The following SLC47A1 variants were observed in gnomAD, a reference collection of about 807,000 sequenced individuals.
SLC47A1 encodes the protein multidrug and toxin extrusion protein 1.
Under a neutral mutation model 65.8 loss-of-function variants are expected in SLC47A1, and 58 were observed. The observed-to-expected ratio is 0.88, with a 90% confidence interval of 0.71 to 1.10. SLC47A1 has a LOEUF of 1.10. SLC47A1 is among the 50% of genes least tolerant of loss of function. The pLI, the probability that SLC47A1 is intolerant of heterozygous loss-of-function variation, is 0.00. For synonymous variants in SLC47A1, 285 were observed against 295.0 expected (o/e 0.97, Z 0.35); for missense variants, 706 against 719.2 (o/e 0.98, Z 0.21).
intron 12 of SLC47A1, chr17:19,564,575 A>G (rs2084341505): frequency 6.6e-6 from 1 of 152,196 alleles, no homozygotes; most frequent in Admixed American, 6.5e-5. Flanking sequence ...TTGCAGTAAG[A>G]CTTTGCTTAC....
At chr17:19,546,569 GCTC>G in intron 3 of SLC47A1, 66 bp downstream of exon 3, 1 of 1,482,044 alleles carries the variant, frequency 6.7e-7, no homozygotes, top group Non-Finnish European at 9.3e-7. Context: ...AGATGGAAGA[GCTC>G]CACTGGCAGG....
At chr17:19,549,783 T>G in intron 5 of SLC47A1, 106 bp downstream of exon 5, 1 of 1,243,646 alleles carries the variant, frequency 8.0e-7, no homozygotes, top group Non-Finnish European at 1.2e-6. Context: ...ATGATTCTTA[T>G]CTGTGGTGTT....
chr17:19,575,069 C>T (rs1447807041), intron 16 of SLC47A1, among the ~76,000 whole-genome samples: 1 of 148,316 alleles, frequency 6.7e-6, no homozygotes, highest in East Asian at 2.1e-4. Flanking sequence ...TTCTCCCTCC[C>T]TCCCTCCCTC....
Position 19,555,124 on chromosome 17 carries a change from G to T in SLC47A1, c.544-88G>T, listed in dbSNP as rs1363268065. On this transcript the variant is annotated intron_variant, in intron 6 of 16. Coordinates refer to ENST00000270570, the MANE Select transcript of SLC47A1 (RefSeq NM_018242.3). The stretch of plus-strand genomic sequence containing the variant: ...TATGCCTGTGATACCCGCTGAGCAG[G>T]CCAGCTGGAGCCTGTGTGTGCTTGG... 3 of 1,224,816 alleles carry T rather than the reference G, an allele frequency of 2.4e-6. No homozygotes were observed. In the Admixed American group the frequency reaches 5.1e-5, roughly 21 times the overall value. 75.9% of individuals were successfully genotyped at this position (1,224,816 alleles called of 1,614,324 possible). A position where few individuals can be genotyped will look rare whatever the true frequency, so the allele number is the denominator to read the frequency against.
In SLC47A1 at chr17:19,577,497, G is replaced by T. The variant is rs1226214551; in HGVS notation, c.1657G>T (p.Val553Phe). 1 of 1,614,146 alleles carries T rather than the reference G, an allele frequency of 6.2e-7. No homozygotes were observed. Among genetic ancestry groups the T allele is most frequent in the East Asian group, 2.2e-5 (1 of 44,882 alleles). The change falls in exon 17 of 17, where the codon GTC becomes TTC. Residue 553 changes from valine to phenylalanine, a missense_variant. Physicochemically the swap from Val to Phe is conservative, Grantham distance 50. Transcript: ENST00000270570. ...GCGGCGAGGGCTTCTGCTCCTGGGG[G>T]TCTTCTTAATCTTGCTGGTGGGGAT... The part of the protein sequence containing the change: ...VLRRGLLLLG[V>F]FLILLVGILV...
chr17:19,546,784 A>G (rs1597496624), intron 3 of SLC47A1, among the ~76,000 whole-genome samples: 1 of 152,152 alleles, frequency 6.6e-6, no homozygotes, highest in East Asian at 1.9e-4. Flanking sequence ...TGAATTTGGT[A>G]TAGTTCTGTG....
At chr17:19,556,941 C>G (rs1280647006) in intron 10 of SLC47A1, among the ~76,000 whole-genome samples, 2 of 152,166 alleles carry the variant, frequency 1.3e-5, no homozygotes, top group African/African-American at 4.8e-5. Context: ...GAAATGGGTT[C>G]TATGCATACA....
intron 14 of SLC47A1, 139 bp from the exon 15 acceptor site, chr17:19,571,339 C>A: frequency 3.0e-6 from 2 of 673,892 alleles, no homozygotes; most frequent in Non-Finnish European, 5.0e-6. Context: ...ATAGAGGTCT[C>A]TGGCCCGCTG....
chr17:19,577,340 C>T lies in SLC47A1; in HGVS notation c.1500C>T (p.Asn500=), dbSNP rs778592992. The T allele has an allele frequency of 7.5e-5, 121 of 1,613,860 alleles. No individual in the cohort carries two copies. Among genetic ancestry groups the T allele is most frequent in the Middle Eastern group, 4.9e-4 (3 of 6,084 alleles). The change falls in exon 17 of 17, where the codon AAC becomes AAT. Residue 500 remains asparagine (N), a synonymous_variant. Transcript: ENST00000270570. ...TTTTCCTCCCAGGGTGCCCTGAAAA[C>T]CTTGAAGGAATTTTAACGAACGATG... is the stretch of plus-strand genomic sequence containing the variant. The part of the protein sequence containing the change: ...QDPLHPGCPE[N]LEGILTNDVG...
chr17:19,553,809 T>A (rs957965645), intron 6 of SLC47A1, among the ~76,000 whole-genome samples: 5 of 152,214 alleles, frequency 3.3e-5, no homozygotes, highest in African/African-American at 1.2e-4. Context: ...CCCAAAGTGC[T>A]GGGATTACAG....
chr17:19,561,718 T>A (rs1038173141), intron 12 of SLC47A1, among the ~76,000 whole-genome samples: 1 of 151,956 alleles, frequency 6.6e-6, no homozygotes, highest in Non-Finnish European at 1.5e-5. Context: ...TAGGAACTGA[T>A]GTATAATCTA....
At chr17:19,559,734 T>C (rs1050419150) in intron 10 of SLC47A1, among the ~76,000 whole-genome samples, 6 of 152,036 alleles carry the variant, frequency 3.9e-5, no homozygotes, top group South Asian at 2.1e-4. Context: ...GGTTTCACCA[T>C]GTTGGCCAGG....
intron 10 of SLC47A1, 135 bp from the exon 11 acceptor site, chr17:19,560,053 A>G: frequency 1.6e-6 from 1 of 620,168 alleles, no homozygotes; most frequent in Non-Finnish European, 2.9e-6. Context: ...GACAAAGGGG[A>G]TGTTGCAAAT....
chr17:19,542,995 T>C (rs1916189789), intron 2 of SLC47A1, among the ~76,000 whole-genome samples: 1 of 152,054 alleles, frequency 6.6e-6, no homozygotes, highest in Admixed American at 6.6e-5. Flanking sequence ...TTTCACCATG[T>C]TGCCCAGGCT....
intron 2 of SLC47A1, among the ~76,000 whole-genome samples, chr17:19,545,031 C>T (rs962589074): frequency 2.0e-5 from 3 of 152,088 alleles, no homozygotes; most frequent in Non-Finnish European, 4.4e-5. Flanking sequence ...TAAGGATTTT[C>T]GAATGGGCTG....
chr17:19,542,698 A>T (rs901293613), intron 2 of SLC47A1, among the ~76,000 whole-genome samples: 7 of 151,984 alleles, frequency 4.6e-5, no homozygotes, highest in Non-Finnish European at 1.0e-4. Context: ...GTAACCTTGC[A>T]GATTCCTAGG....
intron 14 of SLC47A1, among the ~76,000 whole-genome samples, 191 bp downstream of exon 14, chr17:19,567,419 T>C (rs1401956063): frequency 2.0e-5 from 3 of 152,162 alleles, no homozygotes; most frequent in African/African-American, 7.2e-5. Context: ...GCCCCAAGGC[T>C]ATGTGGTCCT....
Position 19,566,691 on chromosome 17 carries a change from C to T in SLC47A1, c.1107-99C>T, listed in dbSNP as rs1451396633. On this transcript the variant is annotated intron_variant, in intron 12 of 16. Transcript: ENST00000270570. ...CCTCCCGCCTCAGCCTCCCAAAGTG[C>T]TGAGATTACAGGCATGAGCCACTGC... 4.5e-6 allele frequency: 5 copies of T among 1,108,698 alleles called. No homozygotes were observed. The East Asian group carries it at 7.2e-5, about 16-fold the overall frequency. 68.7% of individuals were successfully genotyped at this position (1,108,698 alleles called of 1,614,324 possible).
rs775249087 is a variant in SLC47A1 at position 19,547,970 on chromosome 17, C to T, written c.307-15C>T. 16 of 1,602,864 alleles carry T rather than the reference C, an allele frequency of 1.0e-5. No individual in the cohort carries two copies. The Admixed American group carries it at 1.8e-4, about 18-fold the overall frequency. ...GTCTGTGCTAATGGGCTCATTTTGG[C>T]TGTGTGCACCCCAGACGTACGGGAG... On this transcript the variant is annotated splice_polypyrimidine_tract_variant and intron_variant, in intron 3 of 16. Transcript: ENST00000270570.
Sources: gnomAD v4.1 joint callset for allele counts (sites outside exome capture counted in the v4.1 genomes callset) on GRCh38, gnomAD v4.1.1 for gene constraint, MANE v1.5 for transcripts, NCBI Gene and HGNC (gene_info 2026-07-23, HGNC 2026-07-21) for gene names.